GRID2: variants seen among roughly 807,000 people sequenced by gnomAD.
The protein encoded by GRID2 is glutamate ionotropic receptor delta type subunit 2.
In GRID2, 33 loss-of-function variants were observed where a neutral mutation model predicts 114.8. The observed-to-expected ratio is 0.29, with a 90% CI of 0.22 to 0.38. The LOEUF is 0.38. Among genes scored for constraint, GRID2 ranks in the 10% least tolerant of loss-of-function variants. GRID2 has a pLI of 1.00. For synonymous variants in GRID2, 505 were observed against 449.9 expected, an observed-to-expected ratio of 1.12 and a Z score of -1.55; for missense variants, 1,184 against 1,257.7, an observed-to-expected ratio of 0.94 and a Z score of 0.89.
chr4:93,473,936 G>A (rs1460011498), intron 11 of GRID2, among the ~76,000 whole-genome samples: 1 of 151,892 alleles, frequency 6.6e-6, no homozygotes, highest in African/African-American at 2.4e-5. Flanking sequence ...AGAGAAGTAG[G>A]GTGAATGAAT....
chr4:93,144,740 T>A (rs2149389703), intron 4 of GRID2, among the ~76,000 whole-genome samples: 1 of 106,118 alleles, frequency 9.4e-6, no homozygotes. Flanking sequence ...ATGGCTTCTG[T>A]TGCTTAAACA....
intron 2 of GRID2, among the ~76,000 whole-genome samples, chr4:92,828,207 G>A (rs1209378081): frequency 6.6e-6 from 1 of 152,034 alleles, no homozygotes; most frequent in African/African-American, 2.4e-5. Flanking sequence ...ACTGATTTTA[G>A]TTCCCAGGTC....
At chr4:92,585,475 A>T (rs1728387233) in intron 1 of GRID2, among the ~76,000 whole-genome samples, 1 of 151,982 alleles carries the variant, frequency 6.6e-6, no homozygotes, top group Non-Finnish European at 1.5e-5. Context: ...ATTTATGCAC[A>T]AATGTTTTTA....
chr4:93,523,606 C>T (rs189328369), intron 13 of GRID2, among the ~76,000 whole-genome samples: 2 of 152,154 alleles, frequency 1.3e-5, no homozygotes, highest in Non-Finnish European at 2.9e-5. Flanking sequence ...AGGACCAACA[C>T]AGACTCTAGG....
rs753535129 is a variant in GRID2 at position 93,085,121 on chromosome 4, C to A, written c.371C>A (p.Ala124Asp). 6.2e-7 allele frequency: 1 copy of A among 1,614,044 alleles called. No individual in the cohort carries two copies. The highest frequency in any genetic ancestry group is 1.3e-5 in the African/African-American group (1 of 74,944). Residue 124 changes from alanine (A) to aspartate (D), a missense_variant, in exon 3 of 16, where the codon GCT becomes GAT. Physicochemically the swap from Ala to Asp is moderately radical, Grantham distance 126. This residue lies in a region of GRID2 where 455 missense variants were observed against 429.5 expected (regional missense o/e 1.06). Coordinates refer to ENST00000282020, the MANE Select transcript of GRID2 (RefSeq NM_001510.4). ...IPHLFIQRST[A>D]GTPRSGCGLT... Reference sequence around the variant, plus strand: ...CACCTCTTCATTCAGCGCTCAACAGCTGGGACCCCAAGGAGTGGCTGTGGA... The same window carrying A: ...CACCTCTTCATTCAGCGCTCAACAGATGGGACCCCAAGGAGTGGCTGTGGA...
At chr4:93,006,221 C>A (rs1375496887) in intron 2 of GRID2, among the ~76,000 whole-genome samples, 1 of 151,956 alleles carries the variant, frequency 6.6e-6, no homozygotes, top group African/African-American at 2.4e-5. Flanking sequence ...TTAAAATTAC[C>A]TCAGCAAAGT....
chr4:93,379,590 C>G (rs1763671939), intron 8 of GRID2, among the ~76,000 whole-genome samples: 1 of 152,098 alleles, frequency 6.6e-6, no homozygotes, highest in Non-Finnish European at 1.5e-5. Context: ...ATTTATTAAA[C>G]TAATTACAAC....
intron 4 of GRID2, among the ~76,000 whole-genome samples, chr4:93,162,824 A>G (rs1310806270): frequency 6.6e-6 from 1 of 151,980 alleles, no homozygotes; most frequent in Non-Finnish European, 1.5e-5. Context: ...AATAAGAAAG[A>G]TAATAGAACA....
intron 12 of GRID2, among the ~76,000 whole-genome samples, chr4:93,501,259 C>G (rs1055619344): frequency 1.3e-5 from 2 of 152,004 alleles, no homozygotes; most frequent in African/African-American, 4.8e-5. Flanking sequence ...ATGGTATGCT[C>G]TCTAAGTATC....
At chr4:92,319,877 G>C (rs1299795851) in intron 1 of GRID2, among the ~76,000 whole-genome samples, 1 of 152,038 alleles carries the variant, frequency 6.6e-6, no homozygotes, top group Non-Finnish European at 1.5e-5. Context: ...ACCTTGGCTG[G>C]GTCATTTTTA....
chr4:93,211,674 TCTTCC>T (rs1310944379), intron 5 of GRID2, among the ~76,000 whole-genome samples: 2 of 152,160 alleles, frequency 1.3e-5, no homozygotes, highest in African/African-American at 4.8e-5. Flanking sequence ...TACTTTCTTG[TCTTCC>T]AGCAGAGGTA....
At chr4:92,773,040 A>G (rs1011527791) in intron 2 of GRID2, among the ~76,000 whole-genome samples, 2 of 152,328 alleles carry the variant, frequency 1.3e-5, no homozygotes, top group Admixed American at 6.5e-5. Flanking sequence ...ATTATCTGCC[A>G]TAGGATTTCT....
At chr4:93,481,358 C>T (rs72668772) in intron 11 of GRID2, among the ~76,000 whole-genome samples, 2,154 of 152,168 alleles carry the variant, frequency 0.014, 19 homozygotes, top group South Asian at 0.055. Flanking sequence ...CATGAGATAT[C>T]TTATATGGCA....
At chr4:92,448,868 C>T (rs915793118) in intron 1 of GRID2, among the ~76,000 whole-genome samples, 7 of 152,066 alleles carry the variant, frequency 4.6e-5, no homozygotes, top group Non-Finnish European at 7.4e-5. Context: ...ATTTCAATCT[C>T]ATTATTCCTC....
intron 2 of GRID2, among the ~76,000 whole-genome samples, chr4:92,972,857 AT>A (rs978062379): frequency 6.6e-6 from 1 of 151,968 alleles, no homozygotes; most frequent in African/African-American, 2.4e-5. Context: ...AACATGCAAT[AT>A]TTGGTTTTGC....
intron 2 of GRID2, among the ~76,000 whole-genome samples, chr4:93,042,890 G>A (rs1210910309): frequency 6.6e-6 from 1 of 151,262 alleles, no homozygotes; most frequent in African/African-American, 2.4e-5. Flanking sequence ...AAAAGAGCAG[G>A]CAGGCAACAA....
intron 11 of GRID2, among the ~76,000 whole-genome samples, chr4:93,459,180 CAAAAAAAAA>C (rs57937928): frequency 6.0e-5 from 3 of 50,030 alleles, no homozygotes; most frequent in East Asian, 6.8e-4. Flanking sequence ...AACTCCATCT[CAAAAAAAAA>C]AAAAAAAAAA....
intron 8 of GRID2, among the ~76,000 whole-genome samples, chr4:93,366,566 C>T (rs904754364): frequency 6.6e-6 from 1 of 151,998 alleles, no homozygotes; most frequent in African/African-American, 2.4e-5. Context: ...CTTGCCCTGC[C>T]TCCGCTTGCC....
chr4:92,617,071 T>G (rs1016882503), intron 2 of GRID2, among the ~76,000 whole-genome samples: 1 of 151,410 alleles, frequency 6.6e-6, no homozygotes, highest in Non-Finnish European at 1.5e-5. Context: ...ACATTCAATA[T>G]CCTCTCTCTC....
Sources: allele counts gnomAD v4.1 joint callset (sites outside exome capture counted in the v4.1 genomes callset), GRCh38; gene constraint gnomAD v4.1.1; regional missense constraint gnomAD v4.1.1; transcripts MANE v1.5; gene names NCBI Gene and HGNC (gene_info 2026-07-23, HGNC 2026-07-21).